Variants in CDH8 observed in about 807,000 individuals in gnomAD.
CDH8 encodes cadherin-8.
In CDH8, 17 loss-of-function variants were observed where a neutral mutation model predicts 68.1. That is an observed-to-expected ratio of 0.25 (90% CI 0.17 to 0.37). The LOEUF (loss-of-function observed/expected upper bound fraction) is 0.37, where lower values mean the gene tolerates loss of function less well. Ranked by LOEUF, CDH8 falls within the 10% of genes least tolerant of loss-of-function variation. CDH8 has a pLI of 1.00. For synonymous variants in CDH8, 372 were observed against 365.1 expected, an observed-to-expected ratio of 1.02 and a Z score of -0.21; for missense variants, 763 against 999.3, an observed-to-expected ratio of 0.76 and a Z score of 3.19.
At chr16:62,026,445 G>A (rs543943832) in intron 1 of CDH8, among the ~76,000 whole-genome samples, 2 of 152,244 alleles carry the variant, frequency 1.3e-5, no homozygotes, top group African/African-American at 4.8e-5. Context: ...AGACCAGCTC[G>A]CAGCTCAGAC....
chr16:61,698,306 T>C (rs1401576169), intron 10 of CDH8, among the ~76,000 whole-genome samples: 1 of 152,228 alleles, frequency 6.6e-6, no homozygotes, highest in Non-Finnish European at 1.5e-5. Context: ...TTATAAAAGA[T>C]GAGCTAGCTA....
chr16:61,671,481 A>G (rs1963793507), intron 10 of CDH8, among the ~76,000 whole-genome samples: 1 of 151,862 alleles, frequency 6.6e-6, no homozygotes, highest in Admixed American at 6.6e-5. Flanking sequence ...AAAAAAAGGA[A>G]ATGATGCAAG....
At chr16:61,667,494 T>G (rs1963703072) in intron 10 of CDH8, 1 of 152,024 alleles carries the variant, frequency 6.6e-6, no homozygotes, top group Non-Finnish European at 1.5e-5. Flanking sequence ...ATCTGCATGA[T>G]TGTCATTTTG....
intron 2 of CDH8, among the ~76,000 whole-genome samples, chr16:61,984,812 T>C (rs1452522342): frequency 1.3e-5 from 2 of 152,188 alleles, no homozygotes; most frequent in African/African-American, 4.8e-5. Flanking sequence ...CTTATACTTT[T>C]TATACTTAAG....
At chr16:62,013,679 T>C (rs989971449) in intron 2 of CDH8, among the ~76,000 whole-genome samples, 1 of 152,222 alleles carries the variant, frequency 6.6e-6, no homozygotes, top group Admixed American at 6.5e-5. Context: ...CTTTATGCTA[T>C]TCTGTCACGT....
chr16:61,734,105 T>C (rs35692266), intron 8 of CDH8, among the ~76,000 whole-genome samples: 8,372 of 152,116 alleles, frequency 0.055, 495 homozygotes, highest in East Asian at 0.24. Context: ...TCAGAACTTA[T>C]AGTACAGTAG....
intron 8 of CDH8, among the ~76,000 whole-genome samples, chr16:61,727,571 T>C (rs1262337831): frequency 6.6e-6 from 1 of 150,976 alleles, no homozygotes; most frequent in Non-Finnish European, 1.5e-5. Flanking sequence ...TTTTCTTGAG[T>C]AGAACACAAC....
rs1963293589 is a variant in CDH8 at position 61,650,406 on chromosome 16, C to T, written c.*3202G>A. Reference sequence around the variant, plus strand: ...ATAACTTTGTCTCACTTGGCTCCAACTTAATCATTCTTCTCTATTTAGCAG... The same window carrying T: ...ATAACTTTGTCTCACTTGGCTCCAATTTAATCATTCTTCTCTATTTAGCAG... On this transcript the variant is annotated 3_prime_UTR_variant, in exon 12 of 12. Coordinates refer to ENST00000577390, the MANE Select transcript of CDH8 (RefSeq NM_001796.5). 2.0e-5 allele frequency: 3 copies of T among 152,074 alleles called. No homozygotes were observed. The South Asian group carries it at 6.2e-4, about 32-fold the overall frequency. The allele number at this position is 152,074 out of a possible 1,614,324, so 9.4% of individuals were successfully genotyped here. A position where few individuals can be genotyped will look rare whatever the true frequency, so the allele number is the denominator to read the frequency against.
chr16:61,736,400 T>C (rs766083080), intron 8 of CDH8, among the ~76,000 whole-genome samples: 2 of 152,174 alleles, frequency 1.3e-5, no homozygotes, highest in Non-Finnish European at 2.9e-5. Context: ...GAACTATTTC[T>C]GGATCAGATT....
At chr16:61,933,741 C>T (rs1028903924) in intron 2 of CDH8, among the ~76,000 whole-genome samples, 1 of 151,884 alleles carries the variant, frequency 6.6e-6, no homozygotes, top group Non-Finnish European at 1.5e-5. Context: ...TTTTTGCAAC[C>T]TTCACATGTG....
chr16:61,750,491 T>A (rs936814185), intron 8 of CDH8, among the ~76,000 whole-genome samples: 3 of 152,172 alleles, frequency 2.0e-5, no homozygotes, highest in African/African-American at 7.2e-5. Context: ...TCAGTGAAAC[T>A]AAATTAGGAA....
chr16:61,801,685 G>A (rs941163726), intron 7 of CDH8, among the ~76,000 whole-genome samples: 19 of 152,146 alleles, frequency 1.2e-4, no homozygotes, highest in Non-Finnish European at 2.1e-4. Flanking sequence ...TTCCCTTTCC[G>A]AGTCAAAGAA....
intron 8 of CDH8, among the ~76,000 whole-genome samples, chr16:61,763,496 A>G (rs1960516752): frequency 6.6e-6 from 1 of 152,146 alleles, no homozygotes; most frequent in South Asian, 2.1e-4. Context: ...TACAGAATGC[A>G]CACTAACCGT....
At chr16:61,747,568 G>A (rs1960054446) in intron 8 of CDH8, among the ~76,000 whole-genome samples, 1 of 151,932 alleles carries the variant, frequency 6.6e-6, no homozygotes, top group African/African-American at 2.4e-5. Flanking sequence ...AAAACATTAT[G>A]AGAAAGTGAG....
chr16:61,797,657 A>C (rs74023251), intron 7 of CDH8, among the ~76,000 whole-genome samples: 3,925 of 152,220 alleles, frequency 0.026, 169 homozygotes, highest in African/African-American at 0.09. Flanking sequence ...AAAACATGGC[A>C]TCACAGTGAG....
chr16:61,964,279 A>T (rs972629576), intron 2 of CDH8, among the ~76,000 whole-genome samples: 2 of 152,194 alleles, frequency 1.3e-5, no homozygotes, highest in Admixed American at 6.5e-5. Flanking sequence ...CAATTATTCC[A>T]GTTCAGGGTT....
intron 3 of CDH8, among the ~76,000 whole-genome samples, chr16:61,865,272 T>TGGAGAATTTAGGGAACC (rs1297558807): frequency 3.3e-5 from 5 of 152,218 alleles, no homozygotes; most frequent in Admixed American, 6.5e-5. Flanking sequence ...TATTTTATTC[T>TGGAGAATTTAGGGAACC]GGAGAATTTA....
chr16:61,895,939 T>C (rs1963862138), intron 3 of CDH8, among the ~76,000 whole-genome samples: 1 of 152,034 alleles, frequency 6.6e-6, no homozygotes, highest in Non-Finnish European at 1.5e-5. Context: ...AGATGGTTTA[T>C]GCCACTTACG....
chr16:61,964,958 T>C (rs1044619220), intron 2 of CDH8, among the ~76,000 whole-genome samples: 1 of 152,230 alleles, frequency 6.6e-6, no homozygotes, highest in Admixed American at 6.5e-5. Context: ...ATCTGGCCTC[T>C]ACCACAGAAG....
Sources: allele counts gnomAD v4.1 joint callset (sites outside exome capture counted in the v4.1 genomes callset), GRCh38; gene constraint gnomAD v4.1.1; transcripts MANE v1.5; gene names NCBI Gene and HGNC (gene_info 2026-07-23, HGNC 2026-07-21).